The following TTLL7 variants were observed in gnomAD, a reference collection of about 807,000 sequenced individuals.
TTLL7 encodes the protein tubulin polyglutamylase TTLL7.
TTLL7 carries 53 observed loss-of-function variants against 120.2 expected under a neutral mutation model. The ratio of observed to expected loss-of-function variants is 0.44; its 90% CI spans 0.35 to 0.55. The LOEUF (loss-of-function observed/expected upper bound fraction) is 0.55. TTLL7 is among the 20% of genes least tolerant of loss of function. The pLI, the probability that TTLL7 is intolerant of heterozygous loss-of-function variation, is 0.00. For synonymous variants in TTLL7, 353 were observed against 351.7 expected, an observed-to-expected ratio of 1.00 and a Z score of -0.04; for missense variants, 803 against 1,054.7, an observed-to-expected ratio of 0.76 and a Z score of 3.31.
At position 83,907,488 on chromosome 1, in the gene TTLL7, T is replaced by C. The variant is rs1405769298; in HGVS notation, c.1960A>G (p.Ser654Gly). The change falls in exon 16 of 21, where the codon AGT becomes GGT. Residue 654 changes from serine (S) to glycine (G), a missense_variant. By Grantham distance (56) the Ser-to-Gly change is moderately conservative. Coordinates refer to ENST00000260505, the MANE Select transcript of TTLL7 (RefSeq NM_024686.6). ...ASSYMRHLPH[S>G]NDACSTNSQV... The stretch of plus-strand genomic sequence containing the variant: ...GAGTTGGTAGAGCAGGCATCATTAC[T>C]GTGAGGCAGATGCCTCATGTAGGAG... The C allele has an allele frequency of 2.5e-6, 4 of 1,612,884 alleles. No individual in the cohort carries two copies. In the African/African-American group the frequency reaches 5.3e-5, roughly 22 times the overall value.
chr1:83,946,061 T>A (rs1028065148), intron 6 of TTLL7: 1 of 152,214 alleles, frequency 6.6e-6, no homozygotes, highest in African/African-American at 2.4e-5. Flanking sequence ...ATGACTCATG[T>A]ATTTTTTTTT....
intron 9 of TTLL7, among the ~76,000 whole-genome samples, chr1:83,930,855 C>T (rs1167403258): frequency 6.6e-6 from 1 of 152,078 alleles, no homozygotes; most frequent in African/African-American, 2.4e-5. Flanking sequence ...CAATCTCTCT[C>T]TCTCTCCTTA....
intron 18 of TTLL7, chr1:83,900,087 C>T (rs1656588562): frequency 5.0e-6 from 2 of 399,942 alleles, no homozygotes; most frequent in East Asian, 7.9e-5. Flanking sequence ...ATTAGTCACA[C>T]ATGTCATTTA....
At chr1:83,972,087 A>G (rs1651046057) in intron 1 of TTLL7, among the ~76,000 whole-genome samples, 1 of 152,064 alleles carries the variant, frequency 6.6e-6, no homozygotes, top group Non-Finnish European at 1.5e-5. Context: ...TACATTTTTA[A>G]CAACTGACAA....
At chr1:83,951,459 A>AT (rs1293740658) in intron 3 of TTLL7, among the ~76,000 whole-genome samples, 1 of 152,144 alleles carries the variant, frequency 6.6e-6, no homozygotes, top group Non-Finnish European at 1.5e-5. Flanking sequence ...GGAAAGATCC[A>AT]TTTTTTCTTT....
intron 1 of TTLL7, among the ~76,000 whole-genome samples, chr1:83,954,417 T>C (rs536526002): frequency 5.9e-5 from 9 of 152,344 alleles, no homozygotes; most frequent in South Asian, 2.1e-4. Context: ...CATTCAACCA[T>C]GGCAATTCTA....
chr1:83,941,400 C>T (rs1319044526), intron 7 of TTLL7, among the ~76,000 whole-genome samples: 2 of 152,206 alleles, frequency 1.3e-5, no homozygotes, highest in East Asian at 3.8e-4. Flanking sequence ...TGGTGATTGG[C>T]TTTATCTAGA....
At chr1:83,982,414 AT>A (rs1258294994) in intron 1 of TTLL7, among the ~76,000 whole-genome samples, 1 of 152,124 alleles carries the variant, frequency 6.6e-6, no homozygotes, top group Non-Finnish European at 1.5e-5. Context: ...ACTTATATAA[AT>A]ATAAGAAATC....
At chr1:83,956,937 A>G (rs1649583054) in intron 1 of TTLL7, among the ~76,000 whole-genome samples, 1 of 152,236 alleles carries the variant, frequency 6.6e-6, no homozygotes, top group African/African-American at 2.4e-5. Flanking sequence ...AGTAAAATAT[A>G]TGTGATAAAA....
intron 1 of TTLL7, among the ~76,000 whole-genome samples, chr1:83,997,443 A>C (rs1653587350): frequency 6.6e-6 from 1 of 152,206 alleles, no homozygotes; most frequent in Non-Finnish European, 1.5e-5. Flanking sequence ...TTGACTCTTA[A>C]CGGCAGGGTA....
At chr1:83,901,683 C>T (rs1482053235) in intron 18 of TTLL7, among the ~76,000 whole-genome samples, 4 of 151,922 alleles carry the variant, frequency 2.6e-5, no homozygotes, top group Non-Finnish European at 2.9e-5. Flanking sequence ...ACACCCTCCT[C>T]AACAGTGTAC....
At chr1:83,905,224 C>G (rs1657081665) in intron 17 of TTLL7, among the ~76,000 whole-genome samples, 1 of 151,652 alleles carries the variant, frequency 6.6e-6, no homozygotes, top group Non-Finnish European at 1.5e-5. Flanking sequence ...TTTAATGTAA[C>G]TAAGTAGCAC....
At chr1:83,941,294 C>T (rs576515504) in intron 7 of TTLL7, among the ~76,000 whole-genome samples, 15 of 152,224 alleles carry the variant, frequency 9.9e-5, no homozygotes, top group Non-Finnish European at 2.2e-4. Flanking sequence ...CCCCACTAGA[C>T]TGTTGCTTCT....
chr1:83,982,197 T>C lies in TTLL7; in HGVS notation c.-177+16734A>G, dbSNP rs6695393. Among the ~76,000 whole-genome samples, 1,099 of 152,220 alleles carry C rather than the reference T, an allele frequency of 7.2e-3. 20 individuals carry two copies. The highest frequency in any genetic ancestry group is 0.025 in the African/African-American group (1,052 of 41,540). ...ATTTCTAAATAGTCCATGAATCATA[T>C]TTTTTTGAAACCACATAGAACTGAG... On this transcript the variant is annotated intron_variant, in intron 1 of 20. Coordinates refer to ENST00000260505, the MANE Select transcript of TTLL7 (RefSeq NM_024686.6).
chr1:83,983,132 G>A (rs1652126063), intron 1 of TTLL7, among the ~76,000 whole-genome samples: 1 of 152,092 alleles, frequency 6.6e-6, no homozygotes, highest in Non-Finnish European at 1.5e-5. Context: ...AGGAGTTCGA[G>A]ACTAGTCTGG....
intron 14 of TTLL7, among the ~76,000 whole-genome samples, chr1:83,914,948 G>T (rs1025329662): frequency 2.0e-5 from 3 of 152,118 alleles, no homozygotes; most frequent in Non-Finnish European, 2.9e-5. Flanking sequence ...CTACCCTCAG[G>T]AACTTGCAAC....
intron 18 of TTLL7, among the ~76,000 whole-genome samples, chr1:83,897,827 GCT>G (rs1310542131): frequency 6.9e-6 from 1 of 144,002 alleles, no homozygotes; most frequent in African/African-American, 2.6e-5. Flanking sequence ...GCCTACTTGC[GCT>G]CTCTCTCCCC....
chr1:83,967,120 GTACT>G (rs781176281), intron 1 of TTLL7, among the ~76,000 whole-genome samples: 9 of 152,092 alleles, frequency 5.9e-5, no homozygotes, highest in African/African-American at 1.4e-4. Context: ...AAATAAAATG[GTACT>G]TACTACTAAG....
chr1:83,965,791 T>C (rs1347466617), intron 1 of TTLL7, among the ~76,000 whole-genome samples: 1 of 152,112 alleles, frequency 6.6e-6, no homozygotes, highest in Non-Finnish European at 1.5e-5. Flanking sequence ...TATTTCAAAC[T>C]CTTCTTTCTC....
Sources: gnomAD v4.1 joint callset for allele counts (sites outside exome capture counted in the v4.1 genomes callset) on GRCh38, gnomAD v4.1.1 for gene constraint, MANE v1.5 for transcripts, NCBI Gene and HGNC (gene_info 2026-07-23, HGNC 2026-07-21) for gene names.